WLS: variants seen among roughly 807,000 people sequenced by gnomAD.
WLS encodes the protein protein wntless homolog.
In WLS, 23 loss-of-function variants were observed where a neutral mutation model predicts 62.8. The ratio of observed to expected loss-of-function variants is 0.37; its 90% CI spans 0.26 to 0.52. The LOEUF (loss-of-function observed/expected upper bound fraction) is 0.52. WLS is among the 20% of genes least tolerant of loss of function. The probability of loss-of-function intolerance (pLI) is 0.92; values close to 1 mark genes in which losing one functional copy is unlikely to be tolerated. For synonymous variants in WLS, 246 were observed against 244.1 expected (o/e 1.01, Z -0.07); for missense variants, 615 against 697.3 (o/e 0.88, Z 1.33).
intron 6 of WLS, 36 bp from the exon 7 acceptor site, chr1:68,148,696 G>A: frequency 6.2e-7 from 1 of 1,600,906 alleles, no homozygotes; most frequent in African/African-American, 1.3e-5. Context: ...AGATAGAGGG[G>A]AGAGGAAGAC....
chr1:68,118,719 C>A (rs1303155819), intron 11 of WLS, among the ~76,000 whole-genome samples: 3 of 151,182 alleles, frequency 2.0e-5, no homozygotes, highest in Non-Finnish European at 4.4e-5. Flanking sequence ...ACTAAAAATA[C>A]AAAAAATTAG....
intron 1 of WLS, among the ~76,000 whole-genome samples, chr1:68,200,544 G>A (rs906611794): frequency 6.6e-6 from 1 of 151,292 alleles, no homozygotes; most frequent in Non-Finnish European, 1.5e-5. Context: ...AAAGTTTGGG[G>A]AGCTTATATT....
At chr1:68,141,640 A>C (rs1045427042) in intron 10 of WLS, 1 of 152,144 alleles carries the variant, frequency 6.6e-6, no homozygotes, top group South Asian at 2.1e-4. Context: ...ATGAGGCTTA[A>C]ATGCAAGCTC....
chr1:68,199,520 A>C (rs1051725757), intron 1 of WLS, among the ~76,000 whole-genome samples: 1 of 152,166 alleles, frequency 6.6e-6, no homozygotes, highest in Non-Finnish European at 1.5e-5. Flanking sequence ...TAGAATATCT[A>C]AAACAATCAT....
chr1:68,112,579 T>A (rs965067408), intron 11 of WLS, among the ~76,000 whole-genome samples: 1 of 152,196 alleles, frequency 6.6e-6, no homozygotes, highest in Non-Finnish European at 1.5e-5. Flanking sequence ...ATCTCCACAC[T>A]CTCATACTCT....
At chr1:68,195,153 T>C (rs1298510629) in intron 1 of WLS, among the ~76,000 whole-genome samples, 3 of 152,194 alleles carry the variant, frequency 2.0e-5, no homozygotes, top group African/African-American at 7.2e-5. Context: ...ATTTATAAAA[T>C]AGTTATATCA....
chr1:68,153,329 C>T (rs6687951), intron 5 of WLS, among the ~76,000 whole-genome samples, 188 bp downstream of exon 5: 26,634 of 151,906 alleles, frequency 0.18, 2,529 homozygotes, highest in East Asian at 0.36. Context: ...GGTAGAACCC[C>T]GAGGATTTAC....
intron 2 of WLS, chr1:68,162,654 G>A: frequency 8.1e-7 from 1 of 1,240,428 alleles, no homozygotes; most frequent in African/African-American, 1.5e-5. Context: ...TGTTCCTCTG[G>A]TACAGATTGA....
Position 68,232,159 on chromosome 1 carries a change from G to A in WLS, c.106+35C>T, listed in dbSNP as rs923961265. On this transcript the variant is annotated intron_variant, in intron 1 of 11. Coordinates refer to ENST00000262348, the MANE Select transcript of WLS (RefSeq NM_024911.7). Reference sequence around the variant, plus strand: ...AAGAGGGAAGGGGCCCGAAAAGACAGAAAGGGGGAAAAGTTTGCAGCTCTC... The same window carrying A: ...AAGAGGGAAGGGGCCCGAAAAGACAAAAAGGGGGAAAAGTTTGCAGCTCTC... 4 of 1,613,282 alleles carry A rather than the reference G, an allele frequency of 2.5e-6. No homozygotes were observed. The African/African-American group carries it at 4.0e-5, about 16-fold the overall frequency.
In WLS at chr1:68,146,011, ATCTGG is replaced by A; in HGVS notation, c.1135-4_1135del. ...GATTCCAGCCACGATGATGAAGGCC[ATCTGG>A]TCGTGTCCAGTAAAGGAAACAACGG... On this transcript the variant is annotated splice_acceptor_variant and splice_polypyrimidine_tract_variant and coding_sequence_variant and intron_variant, in exon 9 of 12. Coordinates refer to ENST00000262348, the MANE Select transcript of WLS (RefSeq NM_024911.7). LOFTEE classifies it high-confidence loss of function. 2 of 1,614,076 alleles carry A rather than the reference ATCTGG, an allele frequency of 1.2e-6. No homozygotes were observed. Among genetic ancestry groups the A allele is most frequent in the Non-Finnish European group, 1.7e-6 (2 of 1,179,960 alleles).
At chr1:68,223,165 TAAAGTA>T (rs2100664215) in intron 1 of WLS, among the ~76,000 whole-genome samples, 1 of 152,266 alleles carries the variant, frequency 6.6e-6, no homozygotes, top group East Asian at 1.9e-4. Context: ...ACACTGTATA[TAAAGTA>T]AAAGTAATAG....
intron 11 of WLS, among the ~76,000 whole-genome samples, chr1:68,118,904 C>CAAAAAAAAAAAAAAA (rs1553123990): frequency 3.1e-5 from 2 of 63,742 alleles, no homozygotes; most frequent in Admixed American, 1.7e-4. Context: ...AAAAAAAAAG[C>CAAAAAAAAAAAAAAA]ACCTGGCCCA....
chr1:68,183,334 C>A (rs1407395820), intron 2 of WLS, among the ~76,000 whole-genome samples: 1 of 152,082 alleles, frequency 6.6e-6, no homozygotes, highest in Non-Finnish European at 1.5e-5. Context: ...TTAGCAGTTG[C>A]TTCAACATAT....
chr1:68,143,148 G>A (rs1008968946), intron 10 of WLS, among the ~76,000 whole-genome samples: 3 of 152,092 alleles, frequency 2.0e-5, no homozygotes, highest in African/African-American at 4.8e-5. Context: ...GAGGAGACTC[G>A]TAGCCTTCTT....
chr1:68,130,889 C>CTTCT (rs1646508826), intron 11 of WLS, among the ~76,000 whole-genome samples: 1 of 100,838 alleles, frequency 9.9e-6, no homozygotes, highest in African/African-American at 3.8e-5. Flanking sequence ...GTTTCTTCTT[C>CTTCT]TTTTTTTTTT....
chr1:68,193,917 C>G (rs79073450), intron 2 of WLS, 38 bp downstream of exon 2: 36,880 of 1,590,262 alleles, frequency 0.023, 534 homozygotes, highest in Non-Finnish European at 0.027. Context: ...GGGCAATGCT[C>G]AAAGGGAAGA....
At chr1:68,125,234 G>T, downstream of WLS, 1 of 848,858 alleles carries the variant, frequency 1.2e-6, no homozygotes, top group Non-Finnish European at 1.4e-6. Flanking sequence ...TCTTTCTCCA[G>T]GAATAGGTAT....
At position 68,145,918 on chromosome 1, in the gene WLS, T is replaced by TA; in HGVS notation, c.1228_1229insT (p.Lys410IlefsTer17). On this transcript the variant is annotated frameshift_variant, in exon 9 of 12. Coordinates refer to ENST00000262348, the MANE Select transcript of WLS (RefSeq NM_024911.7). LOFTEE classifies it high-confidence loss of function. The stretch of plus-strand genomic sequence containing the variant: ...GCTCATAGCTGGCAGGCTGGACTGC[T>TA]TCCCACTGATGTTCCGAAACACCTG... The TA allele has an allele frequency of 6.2e-7, 1 of 1,614,200 alleles. No individual in the cohort carries two copies. Among genetic ancestry groups the TA allele is most frequent in the Non-Finnish European group, 8.5e-7 (1 of 1,180,046 alleles).
intron 1 of WLS, among the ~76,000 whole-genome samples, chr1:68,224,781 G>A (rs1018223705): frequency 6.6e-6 from 1 of 152,036 alleles, no homozygotes; most frequent in African/African-American, 2.4e-5. Context: ...AAAAGGTGGG[G>A]GGGATTGAGC....
Sources: gnomAD v4.1 joint callset for allele counts (sites outside exome capture counted in the v4.1 genomes callset) on GRCh38, gnomAD v4.1.1 for gene constraint, MANE v1.5 for transcripts, NCBI Gene and HGNC (gene_info 2026-07-23, HGNC 2026-07-21) for gene names.